The following DCC variants were observed in gnomAD, a reference collection of about 807,000 sequenced individuals.
DCC encodes DCC netrin 1 receptor.
Under a neutral mutation model 172.5 loss-of-function variants are expected in DCC, and 58 were observed. The ratio of observed to expected loss-of-function variants is 0.34; its 90% CI spans 0.27 to 0.42. The LOEUF is 0.42. DCC is among the 10% of genes least tolerant of loss of function. DCC has a pLI of 1.00. For synonymous variants in DCC, 709 were observed against 644.5 expected (o/e 1.10, Z -1.52); for missense variants, 1,740 against 1,791.0 (o/e 0.97, Z 0.51).
At chr18:52,457,047 G>A (rs1988480358) in intron 1 of DCC, among the ~76,000 whole-genome samples, 1 of 152,004 alleles carries the variant, frequency 6.6e-6, no homozygotes, top group Non-Finnish European at 1.5e-5. Flanking sequence ...CACATGAAGA[G>A]CTTTTTGTAT....
At chr18:52,586,082 CAAAAAAA>C (rs5824949) in intron 1 of DCC, among the ~76,000 whole-genome samples, 1 of 73,226 alleles carries the variant, frequency 1.4e-5, no homozygotes, top group Non-Finnish European at 2.4e-5. Flanking sequence ...GACTCCGTCT[CAAAAAAA>C]AAAAAAAAAA....
intron 15 of DCC, among the ~76,000 whole-genome samples, chr18:53,348,366 A>G: frequency 6.6e-6 from 1 of 152,184 alleles, no homozygotes; most frequent in East Asian, 1.9e-4. Flanking sequence ...CTGATGCAAG[A>G]CGTGGGTTCC....
intron 5 of DCC, among the ~76,000 whole-genome samples, chr18:53,061,854 T>A (rs2042499683): frequency 6.6e-6 from 1 of 152,096 alleles, no homozygotes; most frequent in South Asian, 2.1e-4. Flanking sequence ...GGGCTTAGGA[T>A]AATAAACTCT....
intron 27 of DCC, among the ~76,000 whole-genome samples, chr18:53,520,766 T>TCAAA (rs2046390754): frequency 1.3e-5 from 2 of 152,132 alleles, no homozygotes; most frequent in South Asian, 2.1e-4. Context: ...ATCTTGGTTT[T>TCAAA]CAAACATTTA....
intron 12 of DCC, among the ~76,000 whole-genome samples, chr18:53,238,716 G>C (rs970442067): frequency 6.6e-6 from 1 of 152,084 alleles, no homozygotes; most frequent in African/African-American, 2.4e-5. Flanking sequence ...AGAGGACTGA[G>C]ACAAGCAGCC....
At position 53,035,125 on chromosome 18, in the gene DCC, G is replaced by A. The variant is rs1221884699; in HGVS notation, c.986-28180G>A. Among the ~76,000 whole-genome samples the A allele has an allele frequency of 2.0e-5, 3 of 151,646 alleles. No homozygotes were observed. In the Admixed American group the frequency reaches 2.0e-4, roughly 10 times the overall value. On this transcript the variant is annotated intron_variant, in intron 5 of 28. Coordinates refer to ENST00000442544, the MANE Select transcript of DCC (RefSeq NM_005215.4). Reference sequence around the variant, plus strand: ...CATGTAATATGTAATGATCAAGTCAGGGTAATTGGGATATCCATCACCTCA... The same window carrying A: ...CATGTAATATGTAATGATCAAGTCAAGGTAATTGGGATATCCATCACCTCA...
intron 2 of DCC, among the ~76,000 whole-genome samples, chr18:52,863,593 A>C (rs2039177244): frequency 6.6e-6 from 1 of 151,760 alleles, no homozygotes; most frequent in Non-Finnish European, 1.5e-5. Flanking sequence ...ATGATTATTC[A>C]TCATTTAATT....
intron 7 of DCC, among the ~76,000 whole-genome samples, chr18:53,089,131 G>A (rs2042964881): frequency 6.6e-6 from 1 of 152,120 alleles, no homozygotes; most frequent in African/African-American, 2.4e-5. Flanking sequence ...TGCCTCCCAG[G>A]CTGGAGTGCA....
At chr18:53,503,575 T>C (rs1397302418) in intron 27 of DCC, among the ~76,000 whole-genome samples, 4 of 152,232 alleles carry the variant, frequency 2.6e-5, no homozygotes, top group Non-Finnish European at 4.4e-5. Context: ...ATTGGGCTTA[T>C]TGCATTATAG....
chr18:53,015,244 T>C (rs989990234), intron 5 of DCC, among the ~76,000 whole-genome samples: 1 of 152,204 alleles, frequency 6.6e-6, no homozygotes, highest in South Asian at 2.1e-4. Flanking sequence ...GTTTAAAATA[T>C]GAAAAGAACT....
chr18:52,497,791 T>C (rs887613622), intron 1 of DCC, among the ~76,000 whole-genome samples: 2 of 152,042 alleles, frequency 1.3e-5, no homozygotes, highest in African/African-American at 4.8e-5. Context: ...GGGAGCTTGA[T>C]AGAAATGCAC....
At chr18:52,824,373 G>A (rs913499337) in intron 2 of DCC, among the ~76,000 whole-genome samples, 11 of 152,288 alleles carry the variant, frequency 7.2e-5, no homozygotes, top group African/African-American at 2.6e-4. Flanking sequence ...TTGGCCATTG[G>A]TGAGAAATGT....
rs75497620 is a variant in DCC, at chr18:52,387,277, A to G, written c.91+46399A>G. 9.2e-3 allele frequency among the ~76,000 whole-genome samples: 1,399 copies of G among 152,266 alleles called. 19 individuals are homozygous for G. Among genetic ancestry groups the G allele is most frequent in the Non-Finnish European group, 0.012 (836 of 68,008 alleles). ...CTATGAGACTTACTGAAGGTGTGTG[A>G]ACACCGATGACATCATGGACATCAG... On this transcript the variant is annotated intron_variant, in intron 1 of 28. Transcript: ENST00000442544.
chr18:53,394,031 G>C (rs1195159463), intron 17 of DCC, among the ~76,000 whole-genome samples: 2 of 151,624 alleles, frequency 1.3e-5, no homozygotes, highest in East Asian at 2.0e-4. Context: ...TAGACTCTTT[G>C]AGTTTTCACT....
intron 11 of DCC, among the ~76,000 whole-genome samples, chr18:53,213,601 T>C (rs1460716296): frequency 7.7e-6 from 1 of 129,852 alleles, no homozygotes; most frequent in Non-Finnish European, 1.5e-5. Context: ...TGAGCTGAGA[T>C]CGTGCCACTG....
At chr18:53,331,815 T>C (rs1504745) in intron 14 of DCC, among the ~76,000 whole-genome samples, 25,238 of 152,160 alleles carry the variant, frequency 0.17, 2,636 homozygotes, top group African/African-American at 0.29. Context: ...TCTGCAGCTT[T>C]GCTGAGCAAG....
At chr18:53,190,017 C>T (rs1332997164) in intron 9 of DCC, among the ~76,000 whole-genome samples, 2 of 152,206 alleles carry the variant, frequency 1.3e-5, no homozygotes, top group African/African-American at 2.4e-5. Context: ...ACCTCCACCT[C>T]CCAGGTTCAA....
At chr18:52,867,071 T>C (rs1390517670) in intron 2 of DCC, among the ~76,000 whole-genome samples, 2 of 152,206 alleles carry the variant, frequency 1.3e-5, no homozygotes, top group Non-Finnish European at 2.9e-5. Context: ...CCTAGTTTAT[T>C]GAGAGTTTTT....
chr18:52,792,077 A>C (rs980785784), intron 2 of DCC, among the ~76,000 whole-genome samples: 1 of 152,098 alleles, frequency 6.6e-6, no homozygotes, highest in Non-Finnish European at 1.5e-5. Context: ...GTGTTTTGAT[A>C]AAGGACTGAC....
Sources: allele counts gnomAD v4.1 joint callset (sites outside exome capture counted in the v4.1 genomes callset), GRCh38; gene constraint gnomAD v4.1.1; transcripts MANE v1.5; gene names NCBI Gene and HGNC (gene_info 2026-07-23, HGNC 2026-07-21).